Variants in GALNT13 observed in about 807,000 individuals in gnomAD.
GALNT13 encodes polypeptide N-acetylgalactosaminyltransferase 13.
In GALNT13, 28 loss-of-function variants were observed where a neutral mutation model predicts 64.2. The ratio of observed to expected loss-of-function variants is 0.44; its 90% CI spans 0.32 to 0.60. GALNT13 has a LOEUF of 0.60. GALNT13 is among the 20% of genes least tolerant of loss of function. The pLI is 0.05. For synonymous variants in GALNT13, 214 were observed against 224.6 expected (o/e 0.95, Z 0.42); for missense variants, 577 against 669.8 (o/e 0.86, Z 1.53).
chr2:154,360,595 C>T (rs997779263), intron 9 of GALNT13, among the ~76,000 whole-genome samples: 6 of 152,154 alleles, frequency 3.9e-5, no homozygotes, highest in Admixed American at 3.9e-4. Flanking sequence ...CCTCAGATGG[C>T]TTGTGCCTGT....
chr2:153,822,281 T>G, the GALNT13 span, among the ~76,000 whole-genome samples: 1 of 151,614 alleles, frequency 6.6e-6, no homozygotes, highest in South Asian at 2.1e-4. Flanking sequence ...GACACAACAA[T>G]AGAAAAAAAC....
the GALNT13 span, among the ~76,000 whole-genome samples, chr2:153,130,129 A>C: frequency 2.0e-5 from 3 of 152,120 alleles, no homozygotes; most frequent in African/African-American, 7.2e-5. Flanking sequence ...TATGCCCAGA[A>C]TCTAACAACT....
chr2:153,408,045 G>A, the GALNT13 span, among the ~76,000 whole-genome samples: 11 of 152,302 alleles, frequency 7.2e-5, no homozygotes, highest in African/African-American at 2.4e-4. Flanking sequence ...ACATCTGAGC[G>A]GGAGTGGATA....
In GALNT13 at chr2:154,242,208, TTTTTTGTTTTTG is replaced by T. The variant is rs749063228; in HGVS notation, c.478+24_478+35del. On this transcript the variant is annotated intron_variant, in intron 5 of 12. Coordinates refer to ENST00000392825, the MANE Select transcript of GALNT13 (RefSeq NM_052917.4). ...TGCCAGTGAAAGAGGTACAAACTGGTTTTTTGTTTTTGTTTTTGTTTTTTTGTTTTGTTTTGT... is the reference window on the plus strand; with the variant it reads ...TGCCAGTGAAAGAGGTACAAACTGGTTTTTTGTTTTTTTGTTTTGTTTTGT... 2.5e-6 allele frequency: 4 copies of T among 1,602,806 alleles called. No individual in the cohort carries two copies. Among genetic ancestry groups the T allele is most frequent in the Non-Finnish European group, 3.4e-6 (4 of 1,176,740 alleles).
chr2:153,992,593 A>G (rs939143613), intron 3 of GALNT13, among the ~76,000 whole-genome samples: 1 of 152,220 alleles, frequency 6.6e-6, no homozygotes, highest in African/African-American at 2.4e-5. Flanking sequence ...GCTTCTGGGC[A>G]TCTAGATTCA....
the GALNT13 span, among the ~76,000 whole-genome samples, chr2:153,115,083 A>G: frequency 6.6e-6 from 1 of 151,690 alleles, no homozygotes; most frequent in African/African-American, 2.4e-5. Flanking sequence ...TTTCTTCATA[A>G]TGAGTACTAA....
chr2:154,394,077 CAAAAAAAAAAAAAA>C (rs369267777), intron 9 of GALNT13, among the ~76,000 whole-genome samples: 15 of 32,006 alleles, frequency 4.7e-4, no homozygotes, highest in African/African-American at 1.9e-3. Flanking sequence ...GACTCCGTCT[CAAAAAAAAAAAAAA>C]AAAAAAAAAA....
chr2:154,226,966 T>A (rs1378551096), intron 4 of GALNT13, among the ~76,000 whole-genome samples: 2 of 152,124 alleles, frequency 1.3e-5, no homozygotes, highest in African/African-American at 4.8e-5. Flanking sequence ...AAAGCCCCCA[T>A]TTTTGCTGTA....
the GALNT13 span, among the ~76,000 whole-genome samples, chr2:153,109,335 T>C: frequency 4.1e-3 from 631 of 152,184 alleles, 3 homozygotes; most frequent in African/African-American, 0.014. Flanking sequence ...CATTGACAGG[T>C]ATTTTGTGGG....
At chr2:154,323,568 A>G (rs564031584) in intron 9 of GALNT13, among the ~76,000 whole-genome samples, 26 of 152,186 alleles carry the variant, frequency 1.7e-4, no homozygotes, top group African/African-American at 6.0e-4. Flanking sequence ...GCATTGAGTT[A>G]TGTATCTTAC....
At chr2:153,616,889 T>A in the GALNT13 span, among the ~76,000 whole-genome samples, 1 of 152,094 alleles carries the variant, frequency 6.6e-6, no homozygotes, top group African/African-American at 2.4e-5. Context: ...TTGACTTCTT[T>A]CTTTCCTATT....
At chr2:153,760,992 C>CT in the GALNT13 span, among the ~76,000 whole-genome samples, 2 of 152,062 alleles carry the variant, frequency 1.3e-5, no homozygotes, top group Non-Finnish European at 2.9e-5. Flanking sequence ...CCTTCTTTAT[C>CT]TTTTTTTACT....
intron 4 of GALNT13, among the ~76,000 whole-genome samples, chr2:154,186,007 T>C (rs1452579387): frequency 6.6e-6 from 1 of 152,078 alleles, no homozygotes; most frequent in Non-Finnish European, 1.5e-5. Flanking sequence ...CACTAGTTGG[T>C]AGTTTTATGT....
chr2:153,690,023 C>T, the GALNT13 span, among the ~76,000 whole-genome samples: 5 of 152,106 alleles, frequency 3.3e-5, no homozygotes, highest in South Asian at 1.0e-3. Context: ...TTAGATTGAC[C>T]TGCCTTGCAG....
chr2:153,757,580 G>T, the GALNT13 span, among the ~76,000 whole-genome samples: 1 of 152,118 alleles, frequency 6.6e-6, no homozygotes, highest in Non-Finnish European at 1.5e-5. Flanking sequence ...ACCAATGGTT[G>T]TACCAAATTA....
chr2:153,562,668 A>G, the GALNT13 span, among the ~76,000 whole-genome samples: 1 of 152,122 alleles, frequency 6.6e-6, no homozygotes, highest in South Asian at 2.1e-4. Context: ...CCTTGTGTTC[A>G]ATATTCTTGC....
the GALNT13 span, among the ~76,000 whole-genome samples, chr2:153,829,572 G>C: frequency 4.6e-5 from 7 of 152,182 alleles, 1 homozygote; most frequent in South Asian, 1.5e-3. Context: ...TAGCACATGA[G>C]AATTGTGGGA....
At chr2:153,879,480 G>A (rs1020156095) in intron 1 of GALNT13, among the ~76,000 whole-genome samples, 3 of 151,866 alleles carry the variant, frequency 2.0e-5, no homozygotes, top group Admixed American at 6.6e-5. Context: ...ACCCCTTGGC[G>A]CAGCCTCCCA....
chr2:153,404,458 T>C, the GALNT13 span, among the ~76,000 whole-genome samples: 9 of 152,222 alleles, frequency 5.9e-5, no homozygotes, highest in African/African-American at 1.7e-4. Flanking sequence ...TTGTATTTCC[T>C]GTTCTTTGCT....
Sources: gnomAD v4.1 joint callset for allele counts (sites outside exome capture counted in the v4.1 genomes callset) on GRCh38, gnomAD v4.1.1 for gene constraint, MANE v1.5 for transcripts, NCBI Gene and HGNC (gene_info 2026-07-23, HGNC 2026-07-21) for gene names.